The following ERP44 variants were observed in gnomAD, a reference collection of about 807,000 sequenced individuals.
The protein encoded by ERP44 is endoplasmic reticulum resident protein 44.
In ERP44, 25 loss-of-function variants were observed where a neutral mutation model predicts 53.4. The observed-to-expected ratio is 0.47, with a 90% confidence interval of 0.34 to 0.65. ERP44 has a LOEUF of 0.65. ERP44 is among the 30% of genes least tolerant of loss of function. The pLI is 0.01. For synonymous variants in ERP44, 145 were observed against 161.2 expected (o/e 0.90, Z 0.76); for missense variants, 338 against 493.2 (o/e 0.69, Z 2.98).
At chr9:100,080,463 T>C (rs1395072901) in intron 1 of ERP44, among the ~76,000 whole-genome samples, 1 of 152,028 alleles carries the variant, frequency 6.6e-6, no homozygotes, top group Non-Finnish European at 1.5e-5. Context: ...CCTATGAAGA[T>C]GAAAGCACTG....
chr9:100,037,156 C>T (rs1017093199), intron 4 of ERP44, among the ~76,000 whole-genome samples: 5 of 152,144 alleles, frequency 3.3e-5, no homozygotes, highest in Non-Finnish European at 5.9e-5. Context: ...CTGCACAGTA[C>T]AATAAACAGT....
intron 1 of ERP44, among the ~76,000 whole-genome samples, chr9:100,079,928 T>C (rs1278692071): frequency 7.4e-6 from 1 of 134,246 alleles, no homozygotes; most frequent in Admixed American, 7.2e-5. Context: ...GAGTGAGTGC[T>C]GTCTTTAAAA....
chr9:100,088,422 CA>C (rs1826510970), intron 1 of ERP44, among the ~76,000 whole-genome samples: 1 of 152,204 alleles, frequency 6.6e-6, no homozygotes, highest in Non-Finnish European at 1.5e-5. Flanking sequence ...CCAGGAAATC[CA>C]AATGACTAAC....
chr9:99,988,546 A>T (rs1025258380), intron 10 of ERP44, among the ~76,000 whole-genome samples: 1 of 152,172 alleles, frequency 6.6e-6, no homozygotes, highest in African/African-American at 2.4e-5. Flanking sequence ...AAAAAAATCT[A>T]TTACTGGGAT....
chr9:100,013,423 GAAA>G (rs201814591), intron 8 of ERP44, among the ~76,000 whole-genome samples: 2 of 135,510 alleles, frequency 1.5e-5, no homozygotes, highest in Non-Finnish European at 3.3e-5. Flanking sequence ...ATCTAAGAGT[GAAA>G]AAAAAAAAAA....
chr9:100,042,782 T>G (rs1707153637), intron 4 of ERP44, among the ~76,000 whole-genome samples: 2 of 151,934 alleles, frequency 1.3e-5, no homozygotes, highest in Admixed American at 6.6e-5. Context: ...GAACTGGAGG[T>G]TACTAGGTTA....
At chr9:100,070,832 GC>G (rs537291843) in intron 1 of ERP44, among the ~76,000 whole-genome samples, 35 of 152,104 alleles carry the variant, frequency 2.3e-4, no homozygotes, top group Non-Finnish European at 4.4e-4. Flanking sequence ...AACAATGATA[GC>G]CTATCTTCAT....
At chr9:100,076,860 CCT>C (rs1373316076) in intron 1 of ERP44, among the ~76,000 whole-genome samples, 5 of 152,212 alleles carry the variant, frequency 3.3e-5, no homozygotes, top group South Asian at 2.1e-4. Flanking sequence ...CCCAGCCACC[CCT>C]GTCATCGCCC....
At chr9:100,065,812 G>T (rs1587979075) in intron 1 of ERP44, among the ~76,000 whole-genome samples, 2 of 152,162 alleles carry the variant, frequency 1.3e-5, no homozygotes, top group Non-Finnish European at 2.9e-5. Flanking sequence ...GGTAAAAGAG[G>T]TTATCAAACA....
At chr9:100,072,548 G>A (rs1472043617) in intron 1 of ERP44, among the ~76,000 whole-genome samples, 1 of 152,174 alleles carries the variant, frequency 6.6e-6, no homozygotes, top group East Asian at 1.9e-4. Flanking sequence ...TTGAGATAGA[G>A]TTTTGCTCTT....
At chr9:100,051,990 A>T (rs1826043508) in intron 4 of ERP44, among the ~76,000 whole-genome samples, 1 of 152,172 alleles carries the variant, frequency 6.6e-6, no homozygotes, top group Non-Finnish European at 1.5e-5. Context: ...ACACACAAAA[A>T]TCTGAGACTA....
chr9:100,090,985 CTACTA>C (rs1826548687), intron 1 of ERP44, among the ~76,000 whole-genome samples: 1 of 152,166 alleles, frequency 6.6e-6, no homozygotes, highest in African/African-American at 2.4e-5. Context: ...AAAGGTCCCA[CTACTA>C]GACTATAATA....
intron 4 of ERP44, among the ~76,000 whole-genome samples, chr9:100,028,384 G>A (rs1830676077): frequency 6.6e-6 from 1 of 152,210 alleles, no homozygotes; most frequent in South Asian, 2.1e-4. Context: ...CCACCAAGGA[G>A]AATAATGAAT....
At chr9:100,023,445 T>TG (rs11383610) in intron 4 of ERP44, among the ~76,000 whole-genome samples, 64,600 of 141,506 alleles carry the variant, frequency 0.46, 15,761 homozygotes, top group East Asian at 0.89. Context: ...TTTTTTTTTT[T>TG]GAAGACAGGG....
At chr9:100,067,150 G>GCTCTCGCTCTCC (rs1298462741) in intron 1 of ERP44, among the ~76,000 whole-genome samples, 25 of 149,252 alleles carry the variant, frequency 1.7e-4, no homozygotes, top group Admixed American at 2.7e-4. Context: ...AACCGCTCTC[G>GCTCTCGCTCTCC]CTCTCGCTCT....
chr9:100,094,806 TA>T (rs5899404), intron 1 of ERP44, among the ~76,000 whole-genome samples: 1 of 150,900 alleles, frequency 6.6e-6, no homozygotes, highest in Non-Finnish European at 1.5e-5. Flanking sequence ...CTACAAAAAT[TA>T]AAAAAAATTA....
intron 4 of ERP44, among the ~76,000 whole-genome samples, chr9:100,035,869 T>C (rs901354238): frequency 2.0e-5 from 3 of 152,202 alleles, no homozygotes; most frequent in Admixed American, 1.3e-4. Flanking sequence ...CCAGTCAGAA[T>C]AGCTTTTGTT....
In ERP44 at chr9:100,016,432, C is replaced by T; in HGVS notation, c.652G>A (p.Ala218Thr). The T allele has an allele frequency of 6.3e-7, 1 of 1,598,418 alleles. No individual in the cohort carries two copies. Among genetic ancestry groups the T allele is most frequent in the Non-Finnish European group, 8.5e-7 (1 of 1,175,272 alleles). The change falls in exon 8 of 12, where the codon GCT becomes ACT. Residue 218 changes from alanine to threonine, a missense_variant. By Grantham distance (58) the Ala-to-Thr change is moderately conservative. Transcript: ENST00000262455. ...GCTCCCAAGTACACCATATCCGGAGCAGAATGCTATTACAAAACAGAAAAA... is the reference window on the plus strand; with the variant it reads ...GCTCCCAAGTACACCATATCCGGAGTAGAATGCTATTACAAAACAGAAAAA... Reference protein sequence around the residue: ...NIIYKPPGHSAPDMVYLGAMT... With the variant: ...NIIYKPPGHSTPDMVYLGAMT...
chr9:100,078,415 G>T (rs529838572), intron 1 of ERP44, among the ~76,000 whole-genome samples: 59 of 141,748 alleles, frequency 4.2e-4, no homozygotes, highest in African/African-American at 1.6e-3. Flanking sequence ...CTGAGATTGC[G>T]CCTCTGCACT....
Sources: allele counts gnomAD v4.1 joint callset (sites outside exome capture counted in the v4.1 genomes callset), GRCh38; gene constraint gnomAD v4.1.1; transcripts MANE v1.5; gene names NCBI Gene and HGNC (gene_info 2026-07-23, HGNC 2026-07-21).